TMEM86B: variants seen among roughly 807,000 people sequenced by gnomAD.
TMEM86B encodes the protein lysoplasmalogenase TMEM86B.
A neutral mutation model predicts 12.3 loss-of-function variants in TMEM86B; 15 were observed. The ratio of observed to expected loss-of-function variants is 1.22; its 90% CI spans 0.81 to 1.87. The LOEUF is 1.87. Ranked by LOEUF, TMEM86B falls within the 40% of genes most tolerant of loss-of-function variation. The pLI is 0.00. For missense variants in TMEM86B, 328 were observed against 297.4 expected (o/e 1.10, Z -0.76); for synonymous variants, 173 against 140.3 (o/e 1.23, Z -1.65).
chr19:55,227,604 C>A (rs566637712), intron 2 of TMEM86B, 41 bp from the exon 3 acceptor site: 891 of 1,484,870 alleles, frequency 6.0e-4, no homozygotes, highest in Non-Finnish European at 5.7e-4. Context: ...GAAGGCCCAT[C>A]CTGGGAATGG....
chr19:55,228,760 G>C lies in TMEM86B; in HGVS notation c.-19C>G. ...CGTCCATGCTGGCCTGATAGCCCCA[G>C]AGCGACCTAATCTGGGAGCGAGTGG... On this transcript the variant is annotated 5_prime_UTR_variant, in exon 1 of 3. Transcript: ENST00000327042. The C allele has an allele frequency of 6.2e-7, 1 of 1,612,458 alleles. No individual in the cohort carries two copies. Among genetic ancestry groups the C allele is most frequent in the Admixed American group, 1.7e-5 (1 of 59,962 alleles).
intron 1 of TMEM86B, 97 bp from the exon 2 acceptor site, chr19:55,228,534 C>T: frequency 6.4e-7 from 1 of 1,553,444 alleles, no homozygotes; most frequent in Middle Eastern, 1.9e-4. Flanking sequence ...ACCTGGGACC[C>T]CAGCTGTACA....
rs9284430 is a variant in TMEM86B, at chr19:55,226,779, C to G, written c.*402G>C. 0.91 allele frequency: 159,955 copies of G among 175,804 alleles called. 72,826 individuals carry two copies. The highest frequency in any genetic ancestry group is 0.94 in the Middle Eastern group (386 of 410). The allele number at this position is 175,804 out of a possible 1,614,324, so 10.9% of individuals were successfully genotyped here. A position where few individuals can be genotyped will look rare whatever the true frequency, so the allele number is the denominator to read the frequency against. ...ATTAACCGCGATGGTTTATCACAATCATGACCCTCCCCGAGGCCTCTCCTA... is the reference window on the plus strand; with the variant it reads ...ATTAACCGCGATGGTTTATCACAATGATGACCCTCCCCGAGGCCTCTCCTA... On this transcript the variant is annotated 3_prime_UTR_variant, in exon 3 of 3. Coordinates refer to ENST00000327042, the MANE Select transcript of TMEM86B (RefSeq NM_173804.5).
Position 55,228,371 on chromosome 19 carries a change from T to C in TMEM86B, c.118A>G (p.Ile40Val). 6.2e-7 allele frequency: 1 copy of C among 1,613,730 alleles called. No homozygotes were observed. The highest frequency in any genetic ancestry group is 8.5e-7 in the Non-Finnish European group (1 of 1,179,986). Residue 40 changes from isoleucine to valine, a missense_variant, in exon 2 of 3, where the codon ATT becomes GTT. Ile to Val is a conservative substitution (Grantham distance 29). Transcript: ENST00000327042. ...LSCCVYFCLW[I>V]PEDQLSWFAA... ...AACCAGGACAGCTGGTCCTCGGGAA[T>C]CCAGAGGCAGAAGTACACGCAGCAG... is the stretch of plus-strand genomic sequence containing the variant.
intron 2 of TMEM86B, 109 bp from the exon 3 acceptor site, chr19:55,227,672 C>G: frequency 7.3e-7 from 1 of 1,373,610 alleles, no homozygotes. Flanking sequence ...CCAGGCCCCA[C>G]CCTGGCCGAG....
At chr19:55,227,865 C>A (rs2087297768) in intron 2 of TMEM86B, 4 of 587,192 alleles carry the variant, frequency 6.8e-6, no homozygotes, top group South Asian at 2.4e-5. Context: ...AGCCTTTACA[C>A]TCGCCCTTCC....
In TMEM86B at chr19:55,227,531, AGAG is replaced by A; in HGVS notation, c.328_330del (p.Leu110del). 1 of 1,542,522 alleles carries A rather than the reference AGAG, an allele frequency of 6.5e-7. No homozygotes were observed. Among genetic ancestry groups the A allele is most frequent in the Non-Finnish European group, 8.8e-7 (1 of 1,140,872 alleles). On this transcript the variant is annotated inframe_deletion, in exon 3 of 3. Coordinates refer to ENST00000327042, the MANE Select transcript of TMEM86B (RefSeq NM_173804.5). Reference sequence around the variant, plus strand: ...GGAGAGAAGCCGAAGGCCCAGACGTAGAGGAGGTGGGCGGTGGCAAAGGCGGCC... The same window carrying A: ...GGAGAGAAGCCGAAGGCCCAGACGTAGAGGTGGGCGGTGGCAAAGGCGGCC...
rs749370648 is a variant in TMEM86B, at chr19:55,227,272, T to TGGGGCA, written c.584_589dup (p.Leu195_Pro196dup). ...GGTGGTCATGATCACCAGGTGGGCA[T>TGGGGCA]GGGGCAGGGGCTGGGCGAAGGTGTC... On this transcript the variant is annotated inframe_insertion, in exon 3 of 3. Transcript: ENST00000327042. 6 of 1,606,814 alleles carry TGGGGCA rather than the reference T, an allele frequency of 3.7e-6. No individual in the cohort carries two copies. The highest frequency in any genetic ancestry group is 5.1e-6 in the Non-Finnish European group (6 of 1,175,824).
rs199627217 is a variant in TMEM86B at position 55,227,335 on chromosome 19, G to A, written c.527C>T (p.Ala176Val). The change falls in exon 3 of 3, where the codon GCG becomes GTG. Residue 176 changes from alanine to valine, a missense_variant. Physicochemically the swap from Ala to Val is moderately conservative, Grantham distance 64. Transcript: ENST00000327042. ...LAQGGSAGWG[A>V]LLFTLSDGVL... ...GCCATCAGAGAGCGTGAAGAGCAGC[G>A]CGCCCCAGCCGGCACTCCCGCCCTG... 1.7e-5 allele frequency: 27 copies of A among 1,606,220 alleles called. No homozygotes were observed. In the South Asian group the frequency reaches 2.1e-4, roughly 13 times the overall value.
rs377582693 is a variant in TMEM86B at position 55,227,517 on chromosome 19, G to A, written c.345C>T (p.Phe115=). ...ATAHLLYVWA[F]GFSPLQPGLL... The stretch of plus-strand genomic sequence containing the variant: ...GGCCGGGCTGCAGGGGAGAGAAGCC[G>A]AAGGCCCAGACGTAGAGGAGGTGGG... The change falls in exon 3 of 3, where the codon TTC becomes TTT. Residue 115 remains phenylalanine (F), a synonymous_variant. Transcript: ENST00000327042. The A allele has an allele frequency of 3.9e-5, 60 of 1,548,786 alleles. No homozygotes were observed. Among genetic ancestry groups the A allele is most frequent in the South Asian group, 2.9e-4 (24 of 83,926 alleles).
chr19:55,227,259 C>A lies in TMEM86B; in HGVS notation c.603G>T (p.Val201=). 3 of 1,603,722 alleles carry A rather than the reference C, an allele frequency of 1.9e-6. No individual in the cohort carries two copies. The highest frequency in any genetic ancestry group is 1.1e-5 in the South Asian group (1 of 89,994). ...FAQPLPHAHL[V]IMTTYYAAQL... ...GGGCAGCATAGTAGGTGGTCATGAT[C>A]ACCAGGTGGGCATGGGGCAGGGGCT... Residue 201 remains valine, a synonymous_variant, in exon 3 of 3, where the codon GTG becomes GTT. Transcript: ENST00000327042.
rs1312063013 is a variant in TMEM86B, at chr19:55,227,463, G to A, written c.399C>T (p.Gly133=). 2 of 1,556,096 alleles carry A rather than the reference G, an allele frequency of 1.3e-6. No individual in the cohort carries two copies. The highest frequency in any genetic ancestry group is 1.7e-6 in the Non-Finnish European group (2 of 1,149,492). Residue 133 remains glycine (G), a synonymous_variant, in exon 3 of 3, where the codon GGC becomes GGT. Coordinates refer to ENST00000327042, the MANE Select transcript of TMEM86B (RefSeq NM_173804.5). ...GCTGGAGCACAAGGCTGAGGTAGGG[G>A]CCAGGGGCCAGGATGATGAGCAGCA... ...GLLLLIILAP[G]PYLSLVLQHL...
chr19:55,227,806 G>C, intron 2 of TMEM86B: 1 of 615,604 alleles, frequency 1.6e-6, no homozygotes, highest in Non-Finnish European at 2.7e-6. Context: ...CTCTGCGCCA[G>C]CCACCCTGGC....
Position 55,228,189 on chromosome 19 carries a change from ACCAGGGACGAAGGCTG to A in TMEM86B, c.284_298+1del. 1 of 1,608,208 alleles carries A rather than the reference ACCAGGGACGAAGGCTG, an allele frequency of 6.2e-7. No homozygotes were observed. The highest frequency in any genetic ancestry group is 2.0e-4 in the Middle Eastern group (1 of 4,902). On this transcript the variant is annotated splice_donor_variant and coding_sequence_variant, in exon 2 of 3. Coordinates refer to ENST00000327042, the MANE Select transcript of TMEM86B (RefSeq NM_173804.5). LOFTEE classifies it high-confidence loss of function. ...GAAAGCGTCACAGCACCTTCCACTC[ACCAGGGACGAAGGCTG>A]CCGGCCAGATGAGGCAAGCGTCCCC...
rs371591326 is a variant in TMEM86B, at chr19:55,227,199, C to T, written c.663G>A (p.Pro221=). 7.9e-6 allele frequency: 12 copies of T among 1,525,622 alleles called. No individual in the cohort carries two copies. Among genetic ancestry groups the T allele is most frequent in the African/African-American group, 2.7e-5 (2 of 73,112 alleles). 94.5% of individuals were successfully genotyped at this position (1,525,622 alleles called of 1,614,324 possible). A position where few individuals can be genotyped will look rare whatever the true frequency, so the allele number is the denominator to read the frequency against. The change falls in exon 3 of 3, where the codon CCG becomes CCA. Residue 221 remains proline, a synonymous_variant. Transcript: ENST00000327042. ...TCCCTAGTCAGTCAGTCTTGGGCACCGGGCTCCTGAGGGCTGACAGTGTGA... is the reference window on the plus strand; with the variant it reads ...TCCCTAGTCAGTCAGTCTTGGGCACTGGGCTCCTGAGGGCTGACAGTGTGA... ...LLITLSALRS[P]VPKTD is the part of the protein sequence containing the mutation.
Position 55,228,724 on chromosome 19 carries a change from C to T in TMEM86B, c.18G>A (p.Ala6=), listed in dbSNP as rs755279394. 11 of 1,613,266 alleles carry T rather than the reference C, an allele frequency of 6.8e-6. No individual in the cohort carries two copies. The highest frequency in any genetic ancestry group is 6.6e-5 in the South Asian group (6 of 91,006). The part of the protein sequence containing the change: MDAGK[A]GQTLKTHCSA... The stretch of plus-strand genomic sequence containing the variant: ...AGCAGTGAGTCTTCAGGGTCTGCCC[C>T]GCTTTGCCAGCGTCCATGCTGGCCT... The change falls in exon 1 of 3, where the codon GCG becomes GCA. Residue 6 remains alanine, a synonymous_variant. Coordinates refer to ENST00000327042, the MANE Select transcript of TMEM86B (RefSeq NM_173804.5).
intron 1 of TMEM86B, 62 bp downstream of exon 1, chr19:55,228,629 C>T (rs895158459): frequency 2.8e-5 from 44 of 1,571,118 alleles, no homozygotes; most frequent in South Asian, 9.1e-5. Context: ...CCAGACCCGC[C>T]GGCTGCTGGG....
chr19:55,227,095 G>A lies in TMEM86B; in HGVS notation c.*86C>T. ...AGGCGTCAGGAAGCTTCGCTGCTGA[G>A]GGTATTTCTCAGGCTGGGCTGGGCT... On this transcript the variant is annotated 3_prime_UTR_variant, in exon 3 of 3. Coordinates refer to ENST00000327042, the MANE Select transcript of TMEM86B (RefSeq NM_173804.5). 1.5e-6 allele frequency: 2 copies of A among 1,347,460 alleles called. No homozygotes were observed. The highest frequency in any genetic ancestry group is 2.8e-4 in the Middle Eastern group (1 of 3,564). The allele number at this position is 1,347,460 out of a possible 1,614,324, so 83.5% of individuals were successfully genotyped here.
In TMEM86B at chr19:55,227,679, C is replaced by T. The variant is rs1228895163; in HGVS notation, c.299-116G>A. ...CCAGAGCACCAGGCCCCACCCTGGC[C>T]GAGCCTCCTTGCAGGTCTCCCCACA... On this transcript the variant is annotated intron_variant, in intron 2 of 2. Coordinates refer to ENST00000327042, the MANE Select transcript of TMEM86B (RefSeq NM_173804.5). The T allele has an allele frequency of 3.7e-6, 5 of 1,341,272 alleles. No homozygotes were observed. The African/African-American group carries it at 5.9e-5, about 16-fold the overall frequency. 83.1% of individuals were successfully genotyped at this position (1,341,272 alleles called of 1,614,324 possible).
Sources: allele counts gnomAD v4.1 joint callset, GRCh38; gene constraint gnomAD v4.1.1; transcripts MANE v1.5; gene names NCBI Gene and HGNC (gene_info 2026-07-23, HGNC 2026-07-21).